LRCH1: variants seen among roughly 807,000 people sequenced by gnomAD.
The protein encoded by LRCH1 is leucine-rich repeat and calponin homology domain-containing protein 1.
In LRCH1, 23 loss-of-function variants were observed where a neutral mutation model predicts 94.9. That is an observed-to-expected ratio of 0.24 (90% confidence interval 0.17 to 0.34). The LOEUF is 0.34. Ranked by LOEUF, LRCH1 falls within the 10% of genes least tolerant of loss-of-function variation. The probability of loss-of-function intolerance (pLI) is 1.00; values close to 1 mark genes in which losing one functional copy is unlikely to be tolerated. For synonymous variants in LRCH1, 364 were observed against 354.9 expected (o/e 1.03, Z -0.29); for missense variants, 790 against 945.9 (o/e 0.84, Z 2.16).
At position 46,742,109 on chromosome 13, in the gene LRCH1, A is replaced by G; in HGVS notation, c.*261A>G. On this transcript the variant is annotated 3_prime_UTR_variant, in exon 20 of 20. Transcript: ENST00000389797. ...ATGCACACCGCATGCTTCCTCATCCACATAGTGCCAGCAGCAGTGCCACGC... is the reference window on the plus strand; with the variant it reads ...ATGCACACCGCATGCTTCCTCATCCGCATAGTGCCAGCAGCAGTGCCACGC... The G allele has an allele frequency of 7.6e-7, 1 of 1,307,194 alleles. No individual in the cohort carries two copies. Among genetic ancestry groups the G allele is most frequent in the Non-Finnish European group, 9.8e-7 (1 of 1,023,762 alleles). The allele number at this position is 1,307,194 out of a possible 1,614,324, so 81.0% of individuals were successfully genotyped here.
At position 46,713,429 on chromosome 13, in the gene LRCH1, C is replaced by A. The variant is rs550603906; in HGVS notation, c.1654+832C>A. Among the ~76,000 whole-genome samples the A allele has an allele frequency of 2.6e-5, 4 of 152,268 alleles. No homozygotes were observed. In the South Asian group the frequency reaches 8.3e-4, roughly 32 times the overall value. On this transcript the variant is annotated intron_variant, in intron 15 of 19. Coordinates refer to ENST00000389797, the MANE Select transcript of LRCH1 (RefSeq NM_001164211.2). Reference sequence around the variant, plus strand: ...TGAGTTCTCCAGTAAAGCATTTTGACAACAGTAGAGGTTATACATGTGTAT... The same window carrying A: ...TGAGTTCTCCAGTAAAGCATTTTGAAAACAGTAGAGGTTATACATGTGTAT...
intron 17 of LRCH1, among the ~76,000 whole-genome samples, chr13:46,726,302 A>G (rs1177213314): frequency 6.6e-6 from 1 of 152,218 alleles, no homozygotes; most frequent in East Asian, 1.9e-4. Flanking sequence ...CGGACTGATT[A>G]GGGTCCTTGA....
chr13:46,553,479 A>ACCC lies in LRCH1; in HGVS notation c.85_86insCCC (p.His28_His29insPro), dbSNP rs1476437387. 5.8e-6 allele frequency: 9 copies of ACCC among 1,546,120 alleles called. No individual in the cohort carries two copies. Among genetic ancestry groups the ACCC allele is most frequent in the African/African-American group, 2.8e-5 (2 of 72,298 alleles). On this transcript the variant is annotated inframe_insertion, in exon 1 of 20. Coordinates refer to ENST00000389797, the MANE Select transcript of LRCH1 (RefSeq NM_001164211.2). ...CTGCACCCACTTCATCATCCCCACC[A>ACCC]CCACCACCACCACCATCAGCACCAC...
intron 1 of LRCH1, among the ~76,000 whole-genome samples, chr13:46,635,429 G>C (rs2051072255): frequency 6.7e-6 from 1 of 149,806 alleles, no homozygotes; most frequent in Non-Finnish European, 1.5e-5. Context: ...CCCTGGGAAG[G>C]CCACACCCTC....
chr13:46,619,169 G>C (rs539254929), intron 1 of LRCH1, among the ~76,000 whole-genome samples: 4 of 150,082 alleles, frequency 2.7e-5, no homozygotes, highest in Admixed American at 2.0e-4. Context: ...GAGTGCAGTG[G>C]CACGATCTCA....
intron 2 of LRCH1, among the ~76,000 whole-genome samples, chr13:46,658,294 A>G (rs982841209): frequency 6.6e-6 from 1 of 151,596 alleles, no homozygotes; most frequent in Non-Finnish European, 1.5e-5. Flanking sequence ...TTGATTTTGG[A>G]TATTTTGCTC....
intron 1 of LRCH1, among the ~76,000 whole-genome samples, chr13:46,599,887 T>C (rs1468187650): frequency 6.6e-6 from 1 of 152,244 alleles, no homozygotes; most frequent in African/African-American, 2.4e-5. Context: ...GGAAAACATG[T>C]AGGGTAAATG....
intron 1 of LRCH1, among the ~76,000 whole-genome samples, chr13:46,628,796 G>A (rs777647198): frequency 2.6e-5 from 4 of 152,080 alleles, no homozygotes; most frequent in Non-Finnish European, 5.9e-5. Context: ...GTTACTTGGA[G>A]ATATAAAACA....
At position 46,744,854 on chromosome 13, in the gene LRCH1, C is replaced by T. The variant is rs1873843695; in HGVS notation, c.*3006C>T. 9 of 983,828 alleles carry T rather than the reference C, an allele frequency of 9.1e-6. No individual in the cohort carries two copies. The highest frequency in any genetic ancestry group is 8.4e-6 in the Non-Finnish European group (7 of 828,640). The allele number at this position is 983,828 out of a possible 1,614,324, so 60.9% of individuals were successfully genotyped here. A position where few individuals can be genotyped will look rare whatever the true frequency, so the allele number is the denominator to read the frequency against. ...GACTTGATTTTTAAAAATTAGGCTT[C>T]GTATTTCAAAATTAGTTCTCAATAA... is the stretch of plus-strand genomic sequence containing the variant. On this transcript the variant is annotated 3_prime_UTR_variant, in exon 20 of 20. Coordinates refer to ENST00000389797, the MANE Select transcript of LRCH1 (RefSeq NM_001164211.2).
chr13:46,714,053 A>T (rs968219757), intron 15 of LRCH1, among the ~76,000 whole-genome samples: 2 of 152,246 alleles, frequency 1.3e-5, no homozygotes, highest in Non-Finnish European at 2.9e-5. Context: ...TCCAAACTCA[A>T]CTTATTACAG....
chr13:46,727,734 G>C (rs534576843), intron 17 of LRCH1, among the ~76,000 whole-genome samples: 34 of 152,254 alleles, frequency 2.2e-4, no homozygotes, highest in African/African-American at 7.5e-4. Context: ...TGGTTGTTTT[G>C]AAAGTTGTTA....
chr13:46,700,752 A>G (rs1286795607), intron 10 of LRCH1, among the ~76,000 whole-genome samples: 4 of 152,350 alleles, frequency 2.6e-5, no homozygotes, highest in African/African-American at 7.2e-5. Context: ...TGGAAGGCCC[A>G]GAAGTAGTAC....
intron 19 of LRCH1, among the ~76,000 whole-genome samples, chr13:46,737,770 C>A (rs1407030776): frequency 1.1e-4 from 17 of 152,132 alleles, no homozygotes; most frequent in Admixed American, 1.1e-3. Context: ...TGACCTCTAA[C>A]CTCTATGTAG....
At chr13:46,600,917 A>T (rs2050621127) in intron 1 of LRCH1, among the ~76,000 whole-genome samples, 1 of 152,228 alleles carries the variant, frequency 6.6e-6, no homozygotes, top group African/African-American at 2.4e-5. Context: ...TGATTGTCAA[A>T]GTCATGTTAG....
intron 2 of LRCH1, among the ~76,000 whole-genome samples, chr13:46,658,275 A>G (rs1279668008): frequency 6.6e-6 from 1 of 151,912 alleles, no homozygotes; most frequent in Admixed American, 6.6e-5. Context: ...CTTTTTTTTA[A>G]CTTAGCTTTT....
At chr13:46,692,257 C>T (rs933714552) in intron 7 of LRCH1, among the ~76,000 whole-genome samples, 23 of 152,184 alleles carry the variant, frequency 1.5e-4, no homozygotes, top group African/African-American at 5.6e-4. Context: ...AATGTGAACA[C>T]ACCCGTATAA....
intron 19 of LRCH1, among the ~76,000 whole-genome samples, chr13:46,734,832 G>A (rs182327953): frequency 6.6e-6 from 1 of 152,312 alleles, no homozygotes; most frequent in Non-Finnish European, 1.5e-5. Context: ...ATGCCCCAGG[G>A]ATAAGGTAAT....
At chr13:46,582,922 T>C (rs900142770) in intron 1 of LRCH1, among the ~76,000 whole-genome samples, 2 of 151,920 alleles carry the variant, frequency 1.3e-5, no homozygotes, top group African/African-American at 4.8e-5. Context: ...CACAAAGACT[T>C]GCTCTCTCAG....
intron 1 of LRCH1, among the ~76,000 whole-genome samples, chr13:46,580,210 C>A (rs1333728791): frequency 1.3e-5 from 2 of 152,206 alleles, no homozygotes; most frequent in Non-Finnish European, 2.9e-5. Flanking sequence ...GAACTATTTT[C>A]ACTGAAGGAG....
Sources: gnomAD v4.1 joint callset for allele counts (sites outside exome capture counted in the v4.1 genomes callset) on GRCh38, gnomAD v4.1.1 for gene constraint, MANE v1.5 for transcripts, NCBI Gene and HGNC (gene_info 2026-07-23, HGNC 2026-07-21) for gene names.